Variants in ACOT7 observed in about 807,000 individuals in gnomAD.
ACOT7 encodes the protein cytosolic acyl coenzyme A thioester hydrolase.
In ACOT7, 12 loss-of-function variants were observed where a neutral mutation model predicts 40.2. That is an observed-to-expected ratio of 0.30 (90% confidence interval 0.19 to 0.48). The LOEUF (loss-of-function observed/expected upper bound fraction) is 0.48, where lower values mean the gene tolerates loss of function less well. Among genes scored for constraint, ACOT7 ranks in the 20% least tolerant of loss-of-function variants. The probability of loss-of-function intolerance (pLI) is 0.99; values close to 1 mark genes in which losing one functional copy is unlikely to be tolerated. For missense variants in ACOT7, 395 were observed against 530.8 expected, an observed-to-expected ratio of 0.74 and a Z score of 2.51; for synonymous variants, 228 against 219.5, an observed-to-expected ratio of 1.04 and a Z score of -0.34.
At chr1:6,287,884 T>G (rs1336495361) in intron 7 of ACOT7, among the ~76,000 whole-genome samples, 2 of 152,352 alleles carry the variant, frequency 1.3e-5, no homozygotes, top group East Asian at 3.9e-4. Flanking sequence ...TTAGTATTTC[T>G]TACATAACAC....
chr1:6,361,036 T>A (rs914429590), intron 1 of ACOT7, among the ~76,000 whole-genome samples: 7 of 152,220 alleles, frequency 4.6e-5, no homozygotes, highest in Non-Finnish European at 8.8e-5. Flanking sequence ...TGTCTAGAAA[T>A]GTTCATAGCA....
At position 6,306,766 on chromosome 1, in the gene ACOT7, G is replaced by A; in HGVS notation, c.712+11726C>T. The A allele has an allele frequency of 7.8e-7, 1 of 1,275,060 alleles. No individual in the cohort carries two copies. The highest frequency in any genetic ancestry group is 1.0e-6 in the Non-Finnish European group (1 of 978,828). The allele number at this position is 1,275,060 out of a possible 1,614,324, so 79.0% of individuals were successfully genotyped here. A position where few individuals can be genotyped will look rare whatever the true frequency, so the allele number is the denominator to read the frequency against. On this transcript the variant is annotated intron_variant, in intron 6 of 8. Transcript: ENST00000361521. This position sits in a 1 kb window ranked among gnomAD's most constrained non-coding sequence, Gnocchi z 4.3. ...CTTTTTCCTTCCTTGCCCCAACACT[G>A]AGGGTCTGGTGTGTTGTGTCCCACG...
intron 5 of ACOT7, among the ~76,000 whole-genome samples, chr1:6,323,737 A>AAATAT (rs1553158667): frequency 4.9e-4 from 19 of 38,412 alleles, no homozygotes; most frequent in South Asian, 1.2e-3. Flanking sequence ...AAAAAAAAAA[A>AAATAT]ATATATATAT....
intron 1 of ACOT7, among the ~76,000 whole-genome samples, chr1:6,379,310 CAA>C (rs1314345269): frequency 6.6e-6 from 1 of 151,928 alleles, no homozygotes; most frequent in East Asian, 1.9e-4. Context: ...GCTGTGACGG[CAA>C]GCAAGTAGCT....
chr1:6,393,549 C>T lies in ACOT7; in HGVS notation c.-150G>A, dbSNP rs1211204003. The T allele has an allele frequency of 3.1e-6, 2 of 647,934 alleles. No individual in the cohort carries two copies. Among genetic ancestry groups the T allele is most frequent in the South Asian group, 7.9e-5 (1 of 12,632 alleles). 40.1% of individuals were successfully genotyped at this position (647,934 alleles called of 1,614,324 possible). A position where few individuals can be genotyped will look rare whatever the true frequency, so the allele number is the denominator to read the frequency against. ...CCCAGGCCGCCAAGGCTGCAGAGAG[C>T]TCGCGCGGGCGTACGATTCTGGCGG... is the stretch of plus-strand genomic sequence containing the variant. On this transcript the variant is annotated 5_prime_UTR_variant, in exon 1 of 9. Coordinates refer to ENST00000361521, the MANE Select transcript of ACOT7 (RefSeq NM_007274.4).
chr1:6,268,979 T>C (rs1028659290), intron 8 of ACOT7, among the ~76,000 whole-genome samples: 6 of 152,116 alleles, frequency 3.9e-5, no homozygotes, highest in African/African-American at 1.2e-4. Context: ...TGCCCCCACA[T>C]GGGCTGTGCA....
At chr1:6,366,310 C>T (rs941832953) in intron 1 of ACOT7, among the ~76,000 whole-genome samples, 10 of 151,886 alleles carry the variant, frequency 6.6e-5, no homozygotes, top group East Asian at 3.9e-4. Flanking sequence ...GGGCCAGGCA[C>T]GGTGGCTCAT....
intron 6 of ACOT7, among the ~76,000 whole-genome samples, chr1:6,316,220 T>C (rs531449438): frequency 2.0e-5 from 3 of 152,200 alleles, no homozygotes; most frequent in South Asian, 2.1e-4. Flanking sequence ...GGGCTTGGGA[T>C]GGCCAGGCTC....
At chr1:6,327,827 G>A (rs957009043) in intron 4 of ACOT7, among the ~76,000 whole-genome samples, 12 of 152,214 alleles carry the variant, frequency 7.9e-5, no homozygotes, top group African/African-American at 2.9e-4. Context: ...AGGCTGAAGT[G>A]CAGTGGCGTG....
chr1:6,281,027 C>T (rs981023124), intron 8 of ACOT7, 75 bp downstream of exon 8: 71 of 1,539,950 alleles, frequency 4.6e-5, no homozygotes, highest in Middle Eastern at 2.1e-4. Flanking sequence ...CACAGATTCC[C>T]CCTGGAGGCC....
In ACOT7 at chr1:6,306,442, G is replaced by A; in HGVS notation, c.713-11462C>T. ...TGGAGTGATATGAACCCCACGCCCA[G>A]GCTTTCAGGGTTGACACCATCTCGG... On this transcript the variant is annotated intron_variant, in intron 6 of 8. Transcript: ENST00000361521. This position sits in a 1 kb window ranked among gnomAD's most constrained non-coding sequence, Gnocchi z 4.3. 16 of 985,296 alleles carry A rather than the reference G, an allele frequency of 1.6e-5. No homozygotes were observed. Among genetic ancestry groups the A allele is most frequent in the South Asian group, 4.7e-5 (1 of 21,268 alleles). The allele number at this position is 985,296 out of a possible 1,614,324, so 61.0% of individuals were successfully genotyped here.
At chr1:6,391,381 T>A (rs922641079) in intron 1 of ACOT7, among the ~76,000 whole-genome samples, 5 of 150,884 alleles carry the variant, frequency 3.3e-5, no homozygotes, top group African/African-American at 1.2e-4. Context: ...TGGCGCACTC[T>A]TGTAGTCCCA....
At chr1:6,315,622 G>T (rs1640467708) in intron 6 of ACOT7, among the ~76,000 whole-genome samples, 1 of 151,832 alleles carries the variant, frequency 6.6e-6, no homozygotes, top group Non-Finnish European at 1.5e-5. Context: ...GTGGTGGCGG[G>T]CACCTGTAGT....
rs1641541031 is a variant in ACOT7, at chr1:6,349,878, G to A, written c.144-12C>T. 1.2e-6 allele frequency: 2 copies of A among 1,613,416 alleles called. No individual in the cohort carries two copies. Among genetic ancestry groups the A allele is most frequent in the Non-Finnish European group, 8.5e-7 (1 of 1,179,520 alleles). On this transcript the variant is annotated splice_polypyrimidine_tract_variant and intron_variant, in intron 1 of 8. Transcript: ENST00000361521. ...CTGGCCGCATGATCCTAGGGCAGAGGAGAAGCAGGATGAGGCCTCTGGAGA... is the reference window on the plus strand; with the variant it reads ...CTGGCCGCATGATCCTAGGGCAGAGAAGAAGCAGGATGAGGCCTCTGGAGA...
At chr1:6,327,773 ACTTTT>A (rs1164232645) in intron 4 of ACOT7, among the ~76,000 whole-genome samples, 1 of 151,862 alleles carries the variant, frequency 6.6e-6, no homozygotes, top group Non-Finnish European at 1.5e-5. Flanking sequence ...ATTTTTCTTT[ACTTTT>A]CTTTTCTTTG....
intron 8 of ACOT7, among the ~76,000 whole-genome samples, chr1:6,279,183 T>C (rs1280133094): frequency 6.6e-6 from 1 of 152,120 alleles, no homozygotes; most frequent in Non-Finnish European, 1.5e-5. Flanking sequence ...GACACAGGGC[T>C]GAAGGTCAAG....
intron 2 of ACOT7, among the ~76,000 whole-genome samples, chr1:6,342,871 C>G (rs1025184384): frequency 1.3e-5 from 2 of 152,230 alleles, no homozygotes; most frequent in Admixed American, 1.3e-4. Flanking sequence ...TGCCACCTCA[C>G]GGCATCCTGA....
Position 6,324,598 on chromosome 1 carries a change from C to T in ACOT7, c.625+2701G>A, listed in dbSNP as rs144401094. Among the ~76,000 whole-genome samples the T allele has an allele frequency of 3.8e-4, 58 of 152,298 alleles. 1 individual carries two copies. The East Asian group carries it at 0.011, about 28-fold the overall frequency. On this transcript the variant is annotated intron_variant, in intron 5 of 8. Coordinates refer to ENST00000361521, the MANE Select transcript of ACOT7 (RefSeq NM_007274.4). Reference sequence around the variant, plus strand: ...CTTCTCAAAGCCAGAGTCAGCCCAGCAGTGCTGCCCACACCCCCCGGGGTC... The same window carrying T: ...CTTCTCAAAGCCAGAGTCAGCCCAGTAGTGCTGCCCACACCCCCCGGGGTC...
At chr1:6,281,036 C>T (rs1639341327) in intron 8 of ACOT7, 66 bp downstream of exon 8, 2 of 1,558,656 alleles carry the variant, frequency 1.3e-6, no homozygotes, top group African/African-American at 1.4e-5. Flanking sequence ...CCCCTGGAGG[C>T]CCAAACACAG....
Sources: allele counts gnomAD v4.1 joint callset (sites outside exome capture counted in the v4.1 genomes callset), GRCh38; gene constraint gnomAD v4.1.1; non-coding constraint Gnocchi (gnomAD v3.1); transcripts MANE v1.5; gene names NCBI Gene and HGNC (gene_info 2026-07-23, HGNC 2026-07-21).